The following ANKS1A variants were observed in gnomAD, a reference collection of about 807,000 sequenced individuals.
The protein encoded by ANKS1A is ankyrin repeat and sterile alpha motif domain containing 1A, also known as ankyrin repeat and SAM domain-containing protein 1A.
ANKS1A carries 55 observed loss-of-function variants against 120.3 expected under a neutral mutation model. The ratio of observed to expected loss-of-function variants is 0.46; its 90% CI spans 0.37 to 0.57. ANKS1A has a LOEUF of 0.57. Ranked by LOEUF, ANKS1A falls within the 20% of genes least tolerant of loss-of-function variation. ANKS1A has a pLI of 0.00. For synonymous variants in ANKS1A, 590 were observed against 604.7 expected (o/e 0.98, Z 0.36); for missense variants, 1,123 against 1,480.3 (o/e 0.76, Z 3.96).
chr6:35,047,863 A>G (rs1465648939), intron 11 of ANKS1A, among the ~76,000 whole-genome samples: 1 of 152,064 alleles, frequency 6.6e-6, no homozygotes, highest in Non-Finnish European at 1.5e-5. Context: ...AGGGCCATGT[A>G]TTTCCTCCCG....
chr6:34,978,298 A>G (rs142005148), intron 3 of ANKS1A, among the ~76,000 whole-genome samples: 6 of 152,262 alleles, frequency 3.9e-5, no homozygotes, highest in Non-Finnish European at 5.9e-5. Flanking sequence ...AATTTGTGCA[A>G]AAGCATTGGG....
chr6:35,001,608 C>T (rs754657660), intron 10 of ANKS1A, among the ~76,000 whole-genome samples: 1 of 152,226 alleles, frequency 6.6e-6, no homozygotes, highest in Non-Finnish European at 1.5e-5. Context: ...GTGTCTCTCA[C>T]GACAGGGAAG....
intron 1 of ANKS1A, among the ~76,000 whole-genome samples, chr6:34,937,969 G>A (rs1769341013): frequency 6.6e-6 from 1 of 151,986 alleles, no homozygotes; most frequent in Non-Finnish European, 1.5e-5. Flanking sequence ...TTTAAATGAT[G>A]CTTCCACAGC....
downstream of ANKS1A, among the ~76,000 whole-genome samples, chr6:35,091,751 G>A (rs1469136744): frequency 6.6e-6 from 1 of 152,202 alleles, no homozygotes; most frequent in Non-Finnish European, 1.5e-5. Flanking sequence ...CCGAACATCT[G>A]CCTCCCAGGC....
chr6:34,931,792 G>A (rs1768995378), intron 1 of ANKS1A, among the ~76,000 whole-genome samples: 3 of 152,158 alleles, frequency 2.0e-5, no homozygotes, highest in Admixed American at 2.0e-4. Context: ...TGAACACATA[G>A]GTTGGCTCAT....
At chr6:34,936,630 AAC>A (rs1217063579) in intron 1 of ANKS1A, among the ~76,000 whole-genome samples, 2 of 152,126 alleles carry the variant, frequency 1.3e-5, no homozygotes, top group Non-Finnish European at 2.9e-5. Flanking sequence ...CATATTTTTA[AAC>A]ACACCCTGGG....
intron 1 of ANKS1A, among the ~76,000 whole-genome samples, chr6:34,937,323 A>AT (rs1237229978): frequency 6.6e-6 from 1 of 151,572 alleles, no homozygotes; most frequent in Non-Finnish European, 1.5e-5. Flanking sequence ...ATATATATAT[A>AT]TATTTTTTTA....
chr6:35,087,850 G>A (rs1007372431), intron 23 of ANKS1A, among the ~76,000 whole-genome samples: 1 of 152,234 alleles, frequency 6.6e-6, no homozygotes, highest in Admixed American at 6.5e-5. Context: ...CCTCCAAGGA[G>A]GTGGGTGGCA....
chr6:34,929,232 A>G (rs73421527), intron 1 of ANKS1A, among the ~76,000 whole-genome samples: 13,342 of 152,194 alleles, frequency 0.088, 759 homozygotes, highest in East Asian at 0.34. Flanking sequence ...CTTTTTTTGT[A>G]TGTGGTGGTA....
intron 11 of ANKS1A, among the ~76,000 whole-genome samples, chr6:35,049,060 G>C (rs1775852235): frequency 6.6e-6 from 1 of 152,220 alleles, no homozygotes. Flanking sequence ...CACCTGAAAA[G>C]TAGGGTAATA....
Position 35,090,486 on chromosome 6 carries a change from T to C in ANKS1A, c.*1877T>C. 1 of 1,101,924 alleles carries C rather than the reference T, an allele frequency of 9.1e-7. No homozygotes were observed. Among genetic ancestry groups the C allele is most frequent in the Non-Finnish European group, 1.1e-6 (1 of 896,318 alleles). 68.3% of individuals were successfully genotyped at this position (1,101,924 alleles called of 1,614,324 possible). A position where few individuals can be genotyped will look rare whatever the true frequency, so the allele number is the denominator to read the frequency against. ...TTTGTGCTTAGATCATCCATAGGTG[T>C]TTCTTCTGCTTGAAGCTGCTATATC... is the stretch of plus-strand genomic sequence containing the variant. On this transcript the variant is annotated 3_prime_UTR_variant, in exon 24 of 24. Coordinates refer to ENST00000360359, the MANE Select transcript of ANKS1A (RefSeq NM_015245.3).
chr6:34,954,321 C>T (rs911784625), intron 1 of ANKS1A, among the ~76,000 whole-genome samples: 5 of 152,098 alleles, frequency 3.3e-5, no homozygotes, highest in African/African-American at 7.2e-5. Context: ...TCAAACAATT[C>T]GTCATTGCTC....
At chr6:34,983,494 A>G (rs2127528392) in intron 7 of ANKS1A, 69 bp downstream of exon 7, 1 of 1,270,528 alleles carries the variant, frequency 7.9e-7, no homozygotes, top group South Asian at 1.4e-5. Flanking sequence ...CGTGGGCAGA[A>G]TGGAAAAATC....
chr6:35,095,625 C>CAA (rs796680319), downstream of ANKS1A, among the ~76,000 whole-genome samples: 7 of 94,318 alleles, frequency 7.4e-5, no homozygotes, highest in South Asian at 2.2e-3. Flanking sequence ...CAAAAAACAA[C>CAA]AAAAAAAACA....
chr6:35,017,457 C>G lies in ANKS1A; in HGVS notation c.1424-16C>G, dbSNP rs1374767271. ...CGTTTAATTTTTTATTTCTCTGTCT[C>G]TCCGTCCACTCCAAGACCACAGGCG... is the stretch of plus-strand genomic sequence containing the variant. On this transcript the variant is annotated splice_polypyrimidine_tract_variant and intron_variant, in intron 10 of 23. Coordinates refer to ENST00000360359, the MANE Select transcript of ANKS1A (RefSeq NM_015245.3). 1 of 1,573,850 alleles carries G rather than the reference C, an allele frequency of 6.4e-7. No homozygotes were observed. Among genetic ancestry groups the G allele is most frequent in the Non-Finnish European group, 8.6e-7 (1 of 1,159,706 alleles).
At chr6:34,972,489 G>A (rs1041328018) in intron 3 of ANKS1A, 1 of 532,446 alleles carries the variant, frequency 1.9e-6, no homozygotes, top group African/African-American at 2.1e-5. Flanking sequence ...GATTCAAGTT[G>A]TTCTAGGGTT....
chr6:34,932,246 GTGCGTCTC>G (rs1313462372), intron 1 of ANKS1A, among the ~76,000 whole-genome samples: 2 of 152,190 alleles, frequency 1.3e-5, no homozygotes, highest in Non-Finnish European at 2.9e-5. Flanking sequence ...GTACAGTGGT[GTGCGTCTC>G]AGCTCACTGC....
At chr6:35,076,231 G>A (rs1777348000) in intron 13 of ANKS1A, among the ~76,000 whole-genome samples, 1 of 152,130 alleles carries the variant, frequency 6.6e-6, no homozygotes, top group African/African-American at 2.4e-5. Context: ...AGACCATCCT[G>A]GCTAACACGA....
intron 1 of ANKS1A, among the ~76,000 whole-genome samples, chr6:34,964,404 C>A (rs1156513254): frequency 2.0e-5 from 3 of 152,176 alleles, no homozygotes; most frequent in Non-Finnish European, 4.4e-5. Context: ...TTTTCTTCCC[C>A]AGAGGTGAGC....
Sources: gnomAD v4.1 joint callset for allele counts (sites outside exome capture counted in the v4.1 genomes callset) on GRCh38, gnomAD v4.1.1 for gene constraint, MANE v1.5 for transcripts, NCBI Gene and HGNC (gene_info 2026-07-23, HGNC 2026-07-21) for gene names.